The following ITPR1 variants were observed in gnomAD, a reference collection of about 807,000 sequenced individuals.
The protein encoded by ITPR1 is inositol 1,4,5-trisphosphate receptor type 1, also known as inositol 1,4,5-trisphosphate-gated calcium channel ITPR1.
Under a neutral mutation model 318.4 loss-of-function variants are expected in ITPR1, and 96 were observed. The ratio of observed to expected loss-of-function variants is 0.30; its 90% CI spans 0.26 to 0.36. ITPR1 has a LOEUF of 0.36. Ranked by LOEUF, ITPR1 falls within the 10% of genes least tolerant of loss-of-function variation. ITPR1 has a pLI of 1.00. For synonymous variants in ITPR1, 1,312 were observed against 1,289.9 expected, an observed-to-expected ratio of 1.02 and a Z score of -0.37; for missense variants, 2,440 against 3,460.2, an observed-to-expected ratio of 0.71 and a Z score of 7.40.
chr3:4,589,253 A>G (rs1474800304), intron 4 of ITPR1, among the ~76,000 whole-genome samples: 1 of 152,244 alleles, frequency 6.6e-6, no homozygotes, highest in Non-Finnish European at 1.5e-5. Flanking sequence ...ACAAAGCAGT[A>G]CTTACCTTTA....
chr3:4,530,894 G>C (rs768805490), intron 4 of ITPR1, among the ~76,000 whole-genome samples: 5 of 152,060 alleles, frequency 3.3e-5, no homozygotes, highest in Non-Finnish European at 7.4e-5. Flanking sequence ...CCTAATGTTT[G>C]ATCTTTTTTC....
intron 4 of ITPR1, among the ~76,000 whole-genome samples, chr3:4,533,152 T>C (rs779634453): frequency 2.6e-5 from 4 of 152,206 alleles, no homozygotes; most frequent in Non-Finnish European, 5.9e-5. Flanking sequence ...GGAAACTGAA[T>C]GGGTTCAATC....
intron 4 of ITPR1, among the ~76,000 whole-genome samples, chr3:4,563,812 A>T (rs751439167): frequency 2.0e-5 from 3 of 152,220 alleles, no homozygotes; most frequent in Non-Finnish European, 4.4e-5. Context: ...ATTAAACAAA[A>T]CTAATCCTAT....
At chr3:4,510,445 T>G (rs746625770) in intron 2 of ITPR1, among the ~76,000 whole-genome samples, 3 of 152,132 alleles carry the variant, frequency 2.0e-5, no homozygotes, top group Non-Finnish European at 2.9e-5. Context: ...GGGAGTCCAG[T>G]TGAGAAATGA....
At chr3:4,700,216 T>A (rs1422817824) in intron 35 of ITPR1, among the ~76,000 whole-genome samples, 1 of 152,214 alleles carries the variant, frequency 6.6e-6, no homozygotes, top group Non-Finnish European at 1.5e-5. Context: ...TTCCCTGCCC[T>A]CCAATCCTAG....
At chr3:4,805,487 CT>C (rs1232515371) in intron 54 of ITPR1, among the ~76,000 whole-genome samples, 1 of 152,140 alleles carries the variant, frequency 6.6e-6, no homozygotes, top group African/African-American at 2.4e-5. Context: ...ACCTCAAAGA[CT>C]GCTACTCAGA....
At chr3:4,773,745 G>A (rs2046324719) in intron 46 of ITPR1, among the ~76,000 whole-genome samples, 2 of 152,206 alleles carry the variant, frequency 1.3e-5, no homozygotes, top group African/African-American at 4.8e-5. Flanking sequence ...GAGCAAGGCA[G>A]AAATGGCTGT....
At chr3:4,676,329 A>T (rs1434473333) in intron 23 of ITPR1, among the ~76,000 whole-genome samples, 2 of 152,076 alleles carry the variant, frequency 1.3e-5, no homozygotes, top group Non-Finnish European at 2.9e-5. Context: ...TAGGTGATAG[A>T]GGAAGATCCT....
At chr3:4,522,898 C>A (rs1213231993) in intron 4 of ITPR1, among the ~76,000 whole-genome samples, 1 of 152,144 alleles carries the variant, frequency 6.6e-6, no homozygotes, top group Admixed American at 6.5e-5. Flanking sequence ...GGAGTGGGAG[C>A]CATGGTTCTC....
intron 55 of ITPR1, among the ~76,000 whole-genome samples, chr3:4,810,107 G>A (rs948959362): frequency 4.6e-5 from 7 of 152,174 alleles, no homozygotes; most frequent in South Asian, 2.1e-4. Context: ...TACAGATGAG[G>A]AAACAGATCC....
intron 2 of ITPR1, among the ~76,000 whole-genome samples, chr3:4,510,156 GGAGGGA>G (rs2081697249): frequency 6.6e-6 from 1 of 152,110 alleles, no homozygotes; most frequent in African/African-American, 2.4e-5. Context: ...GGTGGGAGAG[GGAGGGA>G]GATGTCTCAG....
At chr3:4,525,246 C>A (rs768038063) in intron 4 of ITPR1, among the ~76,000 whole-genome samples, 53 of 152,112 alleles carry the variant, frequency 3.5e-4, no homozygotes, top group Non-Finnish European at 8.8e-5. Context: ...TCAAACAATT[C>A]CATCCTTATC....
intron 4 of ITPR1, among the ~76,000 whole-genome samples, chr3:4,557,657 G>A (rs2125011103): frequency 6.6e-6 from 1 of 152,256 alleles, no homozygotes; most frequent in South Asian, 2.1e-4. Flanking sequence ...TATTTCTTTA[G>A]CACTTGGCAT....
At chr3:4,594,268 A>G (rs534173905) in intron 4 of ITPR1, among the ~76,000 whole-genome samples, 13 of 152,268 alleles carry the variant, frequency 8.5e-5, no homozygotes, top group South Asian at 2.1e-4. Flanking sequence ...TCCTCACGCA[A>G]TCGGGCTGAA....
At chr3:4,532,147 C>G (rs2083466806) in intron 4 of ITPR1, among the ~76,000 whole-genome samples, 1 of 152,122 alleles carries the variant, frequency 6.6e-6, no homozygotes, top group Non-Finnish European at 1.5e-5. Flanking sequence ...ATTGCATTAA[C>G]TGTGAGGACA....
intron 4 of ITPR1, among the ~76,000 whole-genome samples, chr3:4,592,348 A>G (rs1465688430): frequency 6.6e-6 from 1 of 152,226 alleles, no homozygotes. Context: ...TATTCATTGT[A>G]CGTAAACATT....
intron 2 of ITPR1, among the ~76,000 whole-genome samples, chr3:4,513,974 C>A (rs538719572): frequency 3.3e-5 from 5 of 152,098 alleles, no homozygotes; most frequent in Admixed American, 1.3e-4. Flanking sequence ...GTAATCCCAG[C>A]TACTCAGGAG....
intron 61 of ITPR1, among the ~76,000 whole-genome samples, chr3:4,845,272 C>A (rs983504181): frequency 6.6e-6 from 1 of 152,158 alleles, no homozygotes; most frequent in African/African-American, 2.4e-5. Context: ...TTCCGTATAG[C>A]CTTTTTATCT....
chr3:4,673,072 G>A (rs1230890775), intron 20 of ITPR1, 64 bp from the exon 21 acceptor site: 3 of 1,545,014 alleles, frequency 1.9e-6, no homozygotes, highest in East Asian at 2.3e-5. Flanking sequence ...CTGCCCAGAC[G>A]ACCCTTCATT....
Sources: allele counts gnomAD v4.1 joint callset (sites outside exome capture counted in the v4.1 genomes callset), GRCh38; gene constraint gnomAD v4.1.1; transcripts MANE v1.5; gene names NCBI Gene and HGNC (gene_info 2026-07-23, HGNC 2026-07-21).